Variants in BACH2 observed in about 807,000 individuals in gnomAD.
BACH2 encodes BACH transcriptional regulator 2.
Under a neutral mutation model 61.8 loss-of-function variants are expected in BACH2, and 5 were observed. The observed-to-expected ratio is 0.08, with a 90% CI of 0.04 to 0.17. The LOEUF is 0.17. Ranked by LOEUF, BACH2 falls within the 10% of genes least tolerant of loss-of-function variation. BACH2 has a pLI of 1.00. For missense variants in BACH2, 824 were observed against 1,091.1 expected (o/e 0.76, Z 3.45); for synonymous variants, 446 against 440.1 (o/e 1.01, Z -0.17).
intron 4 of BACH2, among the ~76,000 whole-genome samples, chr6:90,203,682 T>C (rs1244315619): frequency 2.0e-5 from 3 of 152,194 alleles, no homozygotes; most frequent in African/African-American, 4.8e-5. Flanking sequence ...CTACTCTGTG[T>C]AAACCCATGA....
chr6:90,164,708 A>G (rs1355702808), intron 4 of BACH2, among the ~76,000 whole-genome samples: 4 of 152,200 alleles, frequency 2.6e-5, no homozygotes, highest in Non-Finnish European at 5.9e-5. Flanking sequence ...CAAAAAGCTT[A>G]TCCACCATGA....
chr6:90,092,054 TTTG>T (rs2127808433), intron 4 of BACH2, among the ~76,000 whole-genome samples: 1 of 152,016 alleles, frequency 6.6e-6, no homozygotes, highest in African/African-American at 2.4e-5. Flanking sequence ...AAGAGTATAC[TTTG>T]TTTTTTCCAA....
chr6:90,003,923 C>T (rs1777268975), intron 6 of BACH2, among the ~76,000 whole-genome samples: 1 of 152,218 alleles, frequency 6.6e-6, no homozygotes, highest in African/African-American at 2.4e-5. Flanking sequence ...CCCACCAAAA[C>T]TCCACCTTCC....
chr6:89,934,822 T>G (rs1298798244), intron 8 of BACH2, among the ~76,000 whole-genome samples: 2 of 150,526 alleles, frequency 1.3e-5, no homozygotes, highest in Non-Finnish European at 3.0e-5. Flanking sequence ...GGAGAGAAAA[T>G]GAAGAGGAGA....
At chr6:89,976,022 T>C (rs1273703706) in intron 6 of BACH2, among the ~76,000 whole-genome samples, 2 of 152,212 alleles carry the variant, frequency 1.3e-5, no homozygotes, top group Non-Finnish European at 2.9e-5. Flanking sequence ...TGGAATCTAA[T>C]TTAGAACCAC....
At chr6:90,157,373 G>A (rs1373167940) in intron 4 of BACH2, among the ~76,000 whole-genome samples, 1 of 152,118 alleles carries the variant, frequency 6.6e-6, no homozygotes, top group Non-Finnish European at 1.5e-5. Context: ...AGTGAGATTG[G>A]GTTGTTAATT....
intron 6 of BACH2, among the ~76,000 whole-genome samples, chr6:89,994,009 T>C (rs1207161877): frequency 5.3e-5 from 8 of 152,152 alleles, no homozygotes; most frequent in Non-Finnish European, 1.2e-4. Context: ...AAGCAGCTAC[T>C]TGGAGATATT....
intron 1 of BACH2, among the ~76,000 whole-genome samples, chr6:90,293,012 T>C (rs1169508377): frequency 6.6e-6 from 1 of 152,192 alleles, no homozygotes; most frequent in Non-Finnish European, 1.5e-5. Flanking sequence ...ACCAGGTAAG[T>C]ACATAATTTG....
At chr6:90,220,338 T>C (rs946532116) in intron 3 of BACH2, among the ~76,000 whole-genome samples, 1 of 152,206 alleles carries the variant, frequency 6.6e-6, no homozygotes, top group Non-Finnish European at 1.5e-5. Flanking sequence ...TTAAAGTTAA[T>C]TCTTTCCCAC....
chr6:90,193,994 T>G (rs536565534), intron 4 of BACH2, among the ~76,000 whole-genome samples: 1 of 152,280 alleles, frequency 6.6e-6, no homozygotes, highest in South Asian at 2.1e-4. Flanking sequence ...AGAAGTAGAA[T>G]TTCCTCAAGA....
chr6:89,972,639 C>A (rs895406687), intron 6 of BACH2, among the ~76,000 whole-genome samples: 7 of 152,214 alleles, frequency 4.6e-5, no homozygotes, highest in Admixed American at 3.3e-4. Context: ...AATTCTGTAG[C>A]CTGGGGCTTT....
intron 1 of BACH2, among the ~76,000 whole-genome samples, chr6:90,280,193 ATTC>A (rs1376196668): frequency 1.3e-5 from 2 of 152,248 alleles, no homozygotes; most frequent in African/African-American, 4.8e-5. Flanking sequence ...CCTTTTGAGT[ATTC>A]TTAACAGGTA....
At chr6:89,932,939 G>A (rs775591209) in intron 8 of BACH2, 49 bp from the exon 9 acceptor site, 7 of 1,510,504 alleles carry the variant, frequency 4.6e-6, no homozygotes, top group Non-Finnish European at 6.2e-6. Flanking sequence ...CTGAACTGGA[G>A]GACAGAAGGC....
chr6:90,216,737 G>A (rs559276231), intron 3 of BACH2, among the ~76,000 whole-genome samples: 1 of 152,302 alleles, frequency 6.6e-6, no homozygotes, highest in South Asian at 2.1e-4. Flanking sequence ...AAGAAATGTG[G>A]AGCAGAAGTT....
intron 5 of BACH2, among the ~76,000 whole-genome samples, chr6:90,083,923 GTT>G (rs1358692687): frequency 6.6e-6 from 1 of 152,152 alleles, no homozygotes; most frequent in Non-Finnish European, 1.5e-5. Flanking sequence ...TTCCAAAGCA[GTT>G]TCTTTTCCTC....
intron 4 of BACH2, among the ~76,000 whole-genome samples, chr6:90,169,695 T>C (rs1767748497): frequency 6.6e-6 from 1 of 152,238 alleles, no homozygotes; most frequent in African/African-American, 2.4e-5. Flanking sequence ...CACCCTGGTG[T>C]ACACTGCTGC....
chr6:90,241,405 CAG>C (rs146579009), intron 3 of BACH2, among the ~76,000 whole-genome samples: 152 of 152,236 alleles, frequency 1.0e-3, no homozygotes, highest in African/African-American at 3.4e-3. Context: ...CAGGCTGGGA[CAG>C]AGAGTCACGT....
At chr6:90,093,905 A>G (rs1275639452) in intron 4 of BACH2, among the ~76,000 whole-genome samples, 1 of 152,206 alleles carries the variant, frequency 6.6e-6, no homozygotes, top group Non-Finnish European at 1.5e-5. Context: ...ATGCTACACT[A>G]AGCATGAAAG....
intron 1 of BACH2, among the ~76,000 whole-genome samples, chr6:90,279,725 G>A (rs1438905401): frequency 2.6e-5 from 4 of 152,000 alleles, no homozygotes; most frequent in African/African-American, 9.7e-5. Context: ...TTCATGAGAC[G>A]TTTTCTCCAT....
Sources: gnomAD v4.1 joint callset for allele counts (sites outside exome capture counted in the v4.1 genomes callset) on GRCh38, gnomAD v4.1.1 for gene constraint, MANE v1.5 for transcripts, NCBI Gene and HGNC (gene_info 2026-07-23, HGNC 2026-07-21) for gene names.